ALG13: variants seen among roughly 807,000 people sequenced by gnomAD.
ALG13 encodes UDP-N-acetylglucosamine transferase subunit ALG13.
A neutral mutation model predicts 87.8 loss-of-function variants in ALG13; 11 were observed. That is an observed-to-expected ratio of 0.13 (90% CI 0.08 to 0.21). ALG13 has a LOEUF of 0.21. Ranked by LOEUF, ALG13 falls within the 10% of genes least tolerant of loss-of-function variation. The pLI, the probability that ALG13 is intolerant of heterozygous loss-of-function variation, is 1.00. For synonymous variants in ALG13, 320 were observed against 306.3 expected (o/e 1.04, Z -0.47); for missense variants, 756 against 866.1 (o/e 0.87, Z 1.60).
intron 16 of ALG13, 73 bp from the exon 17 acceptor site, chrX:111,727,259 A>G (rs1942168811): frequency 2.1e-6 from 2 of 934,553 alleles, no homozygotes; most frequent in East Asian, 3.2e-5. Flanking sequence ...GATTAGTTCT[A>G]TTTAACTACA....
intron 3 of ALG13, among the ~76,000 whole-genome samples, chrX:111,704,126 A>T (rs755347771): frequency 5.4e-5 from 6 of 111,797 alleles, no homozygotes; most frequent in Non-Finnish European, 3.8e-5. Context: ...ATCATTAGCC[A>T]CTGGGGAAAT....
chrX:111,727,377 A>G lies in ALG13; in HGVS notation c.2022A>G (p.Lys674=). 1 of 1,210,568 alleles carries G rather than the reference A, an allele frequency of 8.3e-7. No individual in the cohort carries two copies. Among genetic ancestry groups the G allele is most frequent in the Non-Finnish European group, 1.1e-6 (1 of 894,878 alleles). ...FINRHNMPGP[K]VDFYPGPGKR... ...ACAGGCACAACATGCCGGGCCCTAA[A>G]GTTGATTTTTACCCAGGCCCAGGTA... Residue 674 remains lysine, a synonymous_variant, in exon 17 of 27, where the codon AAA becomes AAG. Transcript: ENST00000394780.
intron 3 of ALG13, among the ~76,000 whole-genome samples, chrX:111,693,540 C>T (rs1434519885): frequency 9.0e-6 from 1 of 111,381 alleles, no homozygotes; most frequent in Admixed American, 9.6e-5. Context: ...GGCACTGTGC[C>T]CGGCCAGAAT....
chrX:111,725,156 CTTG>C, intron 15 of ALG13, 95 bp downstream of exon 15: 2 of 1,008,807 alleles, frequency 2.0e-6, no homozygotes, highest in Non-Finnish European at 2.7e-6. Context: ...TGTCATATGT[CTTG>C]TTGTAGGGTA....
intron 24 of ALG13, 98 bp from the exon 25 acceptor site, chrX:111,752,692 A>G: frequency 1.8e-6 from 1 of 564,535 alleles, no homozygotes; most frequent in Admixed American, 3.3e-5. Context: ...CTGGGATTAC[A>G]GGCATGAGCC....
At chrX:111,716,050 A>G (rs1179160748) in intron 8 of ALG13, among the ~76,000 whole-genome samples, 3 of 112,078 alleles carry the variant, frequency 2.7e-5, no homozygotes, top group Non-Finnish European at 5.6e-5. Context: ...CTTCAAAGTA[A>G]CAAGTATTGG....
Position 111,757,740 on chromosome X carries a change from A to G in ALG13, c.3126A>G (p.Ile1042Met), listed in dbSNP as rs1301963897. 1 of 1,208,501 alleles carries G rather than the reference A, an allele frequency of 8.3e-7. No homozygotes were observed. The highest frequency in any genetic ancestry group is 1.8e-5 in the South Asian group (1 of 56,076). Residue 1042 changes from isoleucine (I) to methionine (M), a missense_variant, in exon 26 of 27, where the codon ATA becomes ATG. Ile to Met is a conservative substitution (Grantham distance 10). Around this residue, in one of 9 missense-constraint regions of ALG13, gnomAD observed 110 missense variants for 104.9 expected, o/e 1.05. Transcript: ENST00000394780. The part of the protein sequence containing the change: ...CYSEVRREDG[I>M]QAEASANDTF... ...GTGAGGTGAGGAGAGAAGATGGCATACAGGCGGAAGCATCAGCAAATGGTG... is the reference window on the plus strand; with the variant it reads ...GTGAGGTGAGGAGAGAAGATGGCATGCAGGCGGAAGCATCAGCAAATGGTG...
At chrX:111,710,481 A>C (rs1368011219) in intron 5 of ALG13, among the ~76,000 whole-genome samples, 1 of 111,552 alleles carries the variant, frequency 9.0e-6, no homozygotes, top group Admixed American at 9.5e-5. Flanking sequence ...CCCCATGCAA[A>C]GTTTATACTG....
At chrX:111,692,052 CCTGT>C (rs1936245176) in intron 3 of ALG13, among the ~76,000 whole-genome samples, 2 of 111,198 alleles carry the variant, frequency 1.8e-5, no homozygotes, top group African/African-American at 3.3e-5. Flanking sequence ...TGCCTTTGGC[CCTGT>C]CTGTCTGTTA....
intron 4 of ALG13, 115 bp downstream of exon 4, chrX:111,708,508 G>A: frequency 1.1e-6 from 1 of 942,474 alleles, no homozygotes; most frequent in Middle Eastern, 3.9e-4. Flanking sequence ...TGAAAACATC[G>A]GGCCTGTCAA....
At chrX:111,727,589 T>A in intron 17 of ALG13, 25 bp from the exon 18 acceptor site, 1 of 1,174,562 alleles carries the variant, frequency 8.5e-7, no homozygotes, top group Non-Finnish European at 1.1e-6. Context: ...TCATTTTTAC[T>A]TTTTTATTAT....
intron 25 of ALG13, 81 bp downstream of exon 25, chrX:111,752,911 G>A (rs189373268): frequency 2.3e-4 from 172 of 734,454 alleles, no homozygotes; most frequent in Middle Eastern, 3.1e-4. Context: ...CTTGAACTTC[G>A]AAAGCCAAAA....
chrX:111,713,092 C>T, intron 7 of ALG13, 133 bp from the exon 8 acceptor site: 3 of 438,733 alleles, frequency 6.8e-6, no homozygotes, highest in Non-Finnish European at 1.2e-5. Context: ...TAAAGCCAAA[C>T]ATTAAACCGG....
chrX:111,735,209 C>A, intron 22 of ALG13, 87 bp downstream of exon 22: 2 of 590,009 alleles, frequency 3.4e-6, no homozygotes, highest in Non-Finnish European at 5.5e-6. Flanking sequence ...CATCATACTT[C>A]AAAGCAACTG....
At chrX:111,695,146 G>A (rs1936776099) in intron 3 of ALG13, among the ~76,000 whole-genome samples, 3 of 111,904 alleles carry the variant, frequency 2.7e-5, no homozygotes, top group South Asian at 3.7e-4. Context: ...AGTCTTTCCA[G>A]TGCTTCAAAT....
chrX:111,747,885 C>G (rs1180410027), intron 24 of ALG13, among the ~76,000 whole-genome samples: 1 of 112,294 alleles, frequency 8.9e-6, no homozygotes, highest in Admixed American at 9.4e-5. Flanking sequence ...AACTGTCTTC[C>G]AGAGTGGCTA....
intron 3 of ALG13, among the ~76,000 whole-genome samples, chrX:111,695,621 T>C (rs942368591): frequency 9.0e-6 from 1 of 111,492 alleles, no homozygotes; most frequent in African/African-American, 3.3e-5. Flanking sequence ...TGTATTGTCA[T>C]GCTATCAGGT....
intron 24 of ALG13, among the ~76,000 whole-genome samples, chrX:111,746,526 C>T (rs938251298): frequency 1.8e-5 from 2 of 111,957 alleles, no homozygotes; most frequent in African/African-American, 6.5e-5. Flanking sequence ...GGCCGAGTAG[C>T]ATTTCATTGT....
intron 3 of ALG13, chrX:111,690,087 C>T (rs962532480): frequency 4.9e-5 from 36 of 739,683 alleles, no homozygotes; most frequent in Non-Finnish European, 5.1e-5. Context: ...ATATTTTAAA[C>T]CACCAGTTTT....
Sources: allele counts gnomAD v4.1 joint callset (sites outside exome capture counted in the v4.1 genomes callset), GRCh38; gene constraint gnomAD v4.1.1; regional missense constraint gnomAD v4.1.1; transcripts MANE v1.5; gene names NCBI Gene and HGNC (gene_info 2026-07-23, HGNC 2026-07-21).